The following SLC24A2 variants were observed in gnomAD, a reference collection of about 807,000 sequenced individuals.
SLC24A2 encodes the protein sodium/potassium/calcium exchanger 2.
A neutral mutation model predicts 62.0 loss-of-function variants in SLC24A2; 36 were observed. The observed-to-expected ratio is 0.58, with a 90% confidence interval of 0.44 to 0.77. SLC24A2 has a LOEUF of 0.77. Among genes scored for constraint, SLC24A2 ranks in the 30% least tolerant of loss-of-function variants. The probability of loss-of-function intolerance (pLI) is 0.00; values close to 1 mark genes in which losing one functional copy is unlikely to be tolerated. For synonymous variants in SLC24A2, 358 were observed against 294.0 expected (o/e 1.22, Z -2.23); for missense variants, 846 against 817.9 (o/e 1.03, Z -0.42).
chr9:19,801,410 G>A, the SLC24A2 span, among the ~76,000 whole-genome samples: 1 of 152,176 alleles, frequency 6.6e-6, no homozygotes, highest in Non-Finnish European at 1.5e-5. Flanking sequence ...GTCAGCGGCG[G>A]GTCTGCAATG....
chr9:19,944,199 G>C, the SLC24A2 span, among the ~76,000 whole-genome samples: 1 of 152,026 alleles, frequency 6.6e-6, no homozygotes, highest in East Asian at 1.9e-4. Flanking sequence ...AAAAAGCAAA[G>C]GTAAGTGAAA....
At chr9:20,304,157 T>C in the SLC24A2 span, among the ~76,000 whole-genome samples, 2 of 152,336 alleles carry the variant, frequency 1.3e-5, no homozygotes, top group East Asian at 3.9e-4. Context: ...AATTTATTGC[T>C]GCCTCACACA....
the SLC24A2 span, among the ~76,000 whole-genome samples, chr9:20,175,654 T>A: frequency 6.6e-6 from 1 of 152,068 alleles, no homozygotes; most frequent in African/African-American, 2.4e-5. Context: ...GTCACACACT[T>A]TCTTTAAAGC....
the SLC24A2 span, among the ~76,000 whole-genome samples, chr9:20,232,165 A>G: frequency 6.6e-6 from 1 of 152,200 alleles, no homozygotes; most frequent in African/African-American, 2.4e-5. Flanking sequence ...TTTTGCATCA[A>G]TGTTCATCAA....
chr9:19,598,002 T>G (rs753589847), intron 4 of SLC24A2, among the ~76,000 whole-genome samples: 1 of 152,130 alleles, frequency 6.6e-6, no homozygotes, highest in African/African-American at 2.4e-5. Flanking sequence ...ACATCATCAA[T>G]GGACTCCCCC....
At chr9:19,908,865 C>A in the SLC24A2 span, among the ~76,000 whole-genome samples, 2 of 152,068 alleles carry the variant, frequency 1.3e-5, no homozygotes, top group South Asian at 4.1e-4. Flanking sequence ...GAAATAGGAA[C>A]ACTTTTAAAC....
intron 2 of SLC24A2, among the ~76,000 whole-genome samples, chr9:19,755,870 T>C (rs914675362): frequency 3.9e-5 from 6 of 152,222 alleles, no homozygotes; most frequent in Admixed American, 3.3e-4. Context: ...GCACTGATTT[T>C]ACCTTTCCAT....
rs549267474 is a variant in SLC24A2, at chr9:19,740,609, C to T, written c.930+45328G>A. 4.6e-5 allele frequency among the ~76,000 whole-genome samples: 7 copies of T among 152,188 alleles called. No homozygotes were observed. In the South Asian group the frequency reaches 1.0e-3, roughly 23 times the overall value. ...TCTGGGTGTCTGTAATTTCTATTTC[C>T]CAATCCAGGTGGGGTTTACATGAAC... On this transcript the variant is annotated intron_variant, in intron 2 of 10. Transcript: ENST00000341998.
At chr9:20,306,890 GT>G in the SLC24A2 span, among the ~76,000 whole-genome samples, 1 of 151,916 alleles carries the variant, frequency 6.6e-6, no homozygotes, top group Non-Finnish European at 1.5e-5. Flanking sequence ...TAGAGACGGG[GT>G]TTCACCATGT....
At chr9:19,895,624 T>C in the SLC24A2 span, among the ~76,000 whole-genome samples, 1 of 151,128 alleles carries the variant, frequency 6.6e-6, no homozygotes, top group African/African-American at 2.4e-5. Flanking sequence ...GGGTCAAATC[T>C]GTGCTTTCTG....
chr9:19,652,932 CCA>C (rs1818842212), intron 2 of SLC24A2, among the ~76,000 whole-genome samples: 1 of 15,516 alleles, frequency 6.4e-5, no homozygotes, highest in East Asian at 2.4e-3. Context: ...ACCTTCTCTT[CCA>C]TCCTGTTTCA....
chr9:19,613,807 TACAA>T (rs999036749), intron 4 of SLC24A2, among the ~76,000 whole-genome samples: 4 of 151,388 alleles, frequency 2.6e-5, no homozygotes, highest in Admixed American at 2.0e-4. Flanking sequence ...AGAAAAGAAC[TACAA>T]ACACAGACTG....
the SLC24A2 span, among the ~76,000 whole-genome samples, chr9:20,172,020 A>C: frequency 6.6e-6 from 1 of 152,070 alleles, no homozygotes; most frequent in African/African-American, 2.4e-5. Flanking sequence ...GCACTCTCTC[A>C]GACCACAGTG....
At chr9:20,222,820 G>A in the SLC24A2 span, among the ~76,000 whole-genome samples, 2 of 151,850 alleles carry the variant, frequency 1.3e-5, no homozygotes, top group Non-Finnish European at 2.9e-5. Flanking sequence ...AAATGATAAG[G>A]GAACTTCCTT....
chr9:19,915,942 G>A, the SLC24A2 span, among the ~76,000 whole-genome samples: 2 of 151,716 alleles, frequency 1.3e-5, no homozygotes, highest in African/African-American at 2.4e-5. Context: ...TTTATTTATT[G>A]TGCTTTTGAT....
intron 2 of SLC24A2, among the ~76,000 whole-genome samples, chr9:19,728,229 A>T (rs149626781): frequency 6.6e-6 from 1 of 152,148 alleles, no homozygotes; most frequent in Non-Finnish European, 1.5e-5. Flanking sequence ...TTGGGTATTT[A>T]AGGTTTTCAG....
the SLC24A2 span, among the ~76,000 whole-genome samples, chr9:20,115,364 G>T: frequency 6.6e-6 from 1 of 152,088 alleles, no homozygotes; most frequent in African/African-American, 2.4e-5. Context: ...TCTTTTGGAA[G>T]AACTACCCTC....
At chr9:19,587,125 T>C (rs536019820) in intron 5 of SLC24A2, among the ~76,000 whole-genome samples, 1 of 152,328 alleles carries the variant, frequency 6.6e-6, no homozygotes, top group African/African-American at 2.4e-5. Context: ...AAGTGGGTTG[T>C]GACATTATTC....
intron 2 of SLC24A2, among the ~76,000 whole-genome samples, chr9:19,745,460 G>C (rs745381975): frequency 2.0e-5 from 3 of 152,092 alleles, no homozygotes; most frequent in African/African-American, 7.2e-5. Context: ...CATTGTCTGG[G>C]GGACCTGCTA....
Sources: allele counts gnomAD v4.1 joint callset (sites outside exome capture counted in the v4.1 genomes callset), GRCh38; gene constraint gnomAD v4.1.1; transcripts MANE v1.5; gene names NCBI Gene and HGNC (gene_info 2026-07-23, HGNC 2026-07-21).